Variants in CAPN3 observed in about 807,000 individuals in gnomAD.
The protein encoded by CAPN3 is calpain 3, also known as calpain-3.
A neutral mutation model predicts 114.0 loss-of-function variants in CAPN3; 88 were observed. The ratio of observed to expected loss-of-function variants is 0.77; its 90% confidence interval spans 0.65 to 0.92. The LOEUF (loss-of-function observed/expected upper bound fraction) is 0.92, where lower values mean the gene tolerates loss of function less well. Ranked by LOEUF, CAPN3 falls within the 40% of genes least tolerant of loss-of-function variation. CAPN3 has a pLI of 0.00. For synonymous variants in CAPN3, 386 were observed against 382.9 expected (o/e 1.01, Z -0.09); for missense variants, 1,028 against 1,069.0 (o/e 0.96, Z 0.53).
intron 1 of CAPN3, among the ~76,000 whole-genome samples, chr15:42,378,388 A>T (rs1194899267): frequency 6.6e-6 from 1 of 152,212 alleles, no homozygotes; most frequent in African/African-American, 2.4e-5. Flanking sequence ...GCCTTCAGCC[A>T]AACACTTTAT....
In CAPN3 at chr15:42,402,801, G is replaced by A. The variant is rs760382616; in HGVS notation, c.1544G>A (p.Gly515Glu). The part of the protein sequence containing the change: ...AIYEVPKEMH[G>E]NKQHLQKDFF... ...GCTCTCCCCATCTCTCAGATGCACG[G>A]GAACAAGCAGCACCTGCAGAAGGAC... is the stretch of plus-strand genomic sequence containing the variant. Residue 515 changes from glycine (G) to glutamate (E), a missense_variant, in exon 13 of 24, where the codon GGG becomes GAG. Physicochemically the swap from Gly to Glu is moderately conservative, Grantham distance 98. Transcript: ENST00000397163. 2 of 1,614,158 alleles carry A rather than the reference G, an allele frequency of 1.2e-6. No individual in the cohort carries two copies. The highest frequency in any genetic ancestry group is 1.7e-5 in the Admixed American group (1 of 60,022).
intron 23 of CAPN3, 49 bp from the exon 24 acceptor site, chr15:42,411,698 G>A (rs527438869): frequency 4.9e-6 from 4 of 820,824 alleles, no homozygotes; most frequent in South Asian, 2.7e-5. Context: ...CGGGGGGGGG[G>A]GGGGTCACTC....
At chr15:42,402,452 G>T in intron 12 of CAPN3, 6 of 1,427,220 alleles carry the variant, frequency 4.2e-6, no homozygotes, top group Non-Finnish European at 5.5e-6. Context: ...GTGGCTGCCC[G>T]CTTGGGATGG....
chr15:42,388,368 A>G (rs975329219), intron 4 of CAPN3, among the ~76,000 whole-genome samples: 1 of 152,176 alleles, frequency 6.6e-6, no homozygotes, highest in African/African-American at 2.4e-5. Context: ...GCAGTGGTGC[A>G]GTCACGGCTC....
At chr15:42,404,590 A>G (rs970904279) in intron 14 of CAPN3, among the ~76,000 whole-genome samples, 1 of 152,248 alleles carries the variant, frequency 6.6e-6, no homozygotes, top group African/African-American at 2.4e-5. Flanking sequence ...AGCCCCAGGC[A>G]GTGAGAAGCC....
rs1245898408 is a variant in CAPN3 at position 42,401,688 on chromosome 15, G to A, written c.1402G>A (p.Asp468Asn). The part of the protein sequence containing the change: ...PQYRLKLLEE[D>N]DDPDDSEVIC... ...GTACCGTCTGAAGCTCCTGGAGGAG[G>A]ACGATGACCCTGATGACTCGGAGGT... The change falls in exon 11 of 24, where the codon GAC becomes AAC. Residue 468 changes from aspartate to asparagine, a missense_variant. Transcript: ENST00000397163. The A allele has an allele frequency of 1.9e-6, 3 of 1,614,192 alleles. No individual in the cohort carries two copies. Among genetic ancestry groups the A allele is most frequent in the Non-Finnish European group, 2.5e-6 (3 of 1,180,026 alleles).
At chr15:42,361,121 GA>G (rs2052631721) in intron 1 of CAPN3, among the ~76,000 whole-genome samples, 1 of 152,172 alleles carries the variant, frequency 6.6e-6, no homozygotes, top group Admixed American at 6.5e-5. Context: ...CCTCTCTGAG[GA>G]AATGATGACA....
intron 8 of CAPN3, among the ~76,000 whole-genome samples, chr15:42,394,812 G>A (rs1482956587): frequency 1.3e-5 from 2 of 152,158 alleles, no homozygotes; most frequent in African/African-American, 4.8e-5. Flanking sequence ...AGGCACAAGG[G>A]CCCTTTGAAA....
At chr15:42,367,660 C>T (rs2052823625) in intron 1 of CAPN3, among the ~76,000 whole-genome samples, 1 of 152,192 alleles carries the variant, frequency 6.6e-6, no homozygotes, top group Non-Finnish European at 1.5e-5. Context: ...GCTCCATCTC[C>T]TTGAGTAACC....
rs2054158442 is a variant in CAPN3 at position 42,409,991 on chromosome 15, T to C, written c.2111T>C (p.Met704Thr). 1 of 1,611,856 alleles carries C rather than the reference T, an allele frequency of 6.2e-7. No homozygotes were observed. Residue 704 changes from methionine to threonine, a missense_variant, in exon 19 of 24, where the codon ATG (methionine) becomes ACG (threonine). Physicochemically the swap from Met to Thr is moderately conservative, Grantham distance 81 (BLOSUM62 -1). Transcript: ENST00000397163. ...LESCRSMIAL[M>T]DTDGSGKLNL... ...TCCTGCCGTAGCATGATTGCGCTCA[T>C]GGATGTATCCTTCCTGCCGCCCCTT...
chr15:42,410,313 G>A (rs1204745619), intron 19 of CAPN3, 115 bp from the exon 20 acceptor site: 2 of 947,212 alleles, frequency 2.1e-6, no homozygotes. Context: ...GTGGAGGGGA[G>A]GGTTAAATAG....
chr15:42,374,275 A>G (rs1459392346), intron 1 of CAPN3: 1 of 152,648 alleles, frequency 6.6e-6, no homozygotes, highest in Non-Finnish European at 1.5e-5. Flanking sequence ...CTCTACTCCC[A>G]GAGCATTCGC....
Position 42,360,097 on chromosome 15 carries a change from G to C in CAPN3, c.292G>C (p.Val98Leu). 6.2e-7 allele frequency: 1 copy of C among 1,614,188 alleles called. No homozygotes were observed. The highest frequency in any genetic ancestry group is 8.5e-7 in the Non-Finnish European group (1 of 1,180,022). The change falls in exon 1 of 24, where the codon GTC (valine) becomes CTC (leucine). Residue 98 changes from valine (V) to leucine (L), a missense_variant. Coordinates refer to ENST00000397163, the MANE Select transcript of CAPN3 (RefSeq NM_000070.3). ...FYSQKFPIQF[V>L]WKRPPEICEN... The stretch of plus-strand genomic sequence containing the variant: ...TAGCCAGAAGTTCCCCATCCAGTTC[G>C]TCTGGAAGAGACCTCCGGTGAGTAG...
Position 42,409,737 on chromosome 15 carries a change from A to AG in CAPN3, c.1993-48dup, listed in dbSNP as rs759319927. 5 of 1,527,392 alleles carry AG rather than the reference A, an allele frequency of 3.3e-6. No homozygotes were observed. In the East Asian group the frequency reaches 9.0e-5, roughly 27 times the overall value. 94.6% of individuals were successfully genotyped at this position (1,527,392 alleles called of 1,614,324 possible). A position where few individuals can be genotyped will look rare whatever the true frequency, so the allele number is the denominator to read the frequency against. On this transcript the variant is annotated intron_variant, in intron 17 of 23. Coordinates refer to ENST00000397163, the MANE Select transcript of CAPN3 (RefSeq NM_000070.3). Reference sequence around the variant, plus strand: ...ATTTGTTTTGCAAAGTGTCCGCGCCAGGAGCTGCTGTACTCCTGAACCATG... The same window carrying AG: ...ATTTGTTTTGCAAAGTGTCCGCGCCAGGGAGCTGCTGTACTCCTGAACCATG...
rs28364536 is a variant in CAPN3, at chr15:42,410,323, G to C, written c.2116-105G>C. On this transcript the variant is annotated intron_variant, in intron 19 of 23. Coordinates refer to ENST00000397163, the MANE Select transcript of CAPN3 (RefSeq NM_000070.3). ...GTGGAGTGGAGGGGAGGGTTAAATA[G>C]TACAACAGGGCAGTGGGTAGGACAG... 0.019 allele frequency: 19,708 copies of C among 1,019,586 alleles called. 1,334 individuals are homozygous for C. The highest frequency in any genetic ancestry group is 0.19 in the African/African-American group (12,066 of 63,424). 63.2% of individuals were successfully genotyped at this position (1,019,586 alleles called of 1,614,324 possible).
intron 1 of CAPN3, among the ~76,000 whole-genome samples, chr15:42,363,977 G>A (rs1355101018): frequency 6.6e-6 from 1 of 152,114 alleles, no homozygotes; most frequent in African/African-American, 2.4e-5. Context: ...CAATAAATGT[G>A]GGATTTTGGA....
chr15:42,411,947 A>T lies in CAPN3; in HGVS notation c.*174A>T. ...ACCCCCTACCCATCCTTGATCGGTC[A>T]TGCCTAGCCTGACCCTTTAGTAAAG... On this transcript the variant is annotated 3_prime_UTR_variant, in exon 24 of 24. Transcript: ENST00000397163. The T allele has an allele frequency of 3.3e-6, 5 of 1,529,424 alleles. No individual in the cohort carries two copies. Among genetic ancestry groups the T allele is most frequent in the Non-Finnish European group, 4.4e-6 (5 of 1,135,624 alleles). 94.7% of individuals were successfully genotyped at this position (1,529,424 alleles called of 1,614,324 possible). A position where few individuals can be genotyped will look rare whatever the true frequency, so the allele number is the denominator to read the frequency against.
Position 42,411,328 on chromosome 15 carries a change from A to G in CAPN3, c.2422A>G (p.Lys808Glu), listed in dbSNP as rs1248812087. The G allele has an allele frequency of 6.2e-7, 1 of 1,613,950 alleles. No individual in the cohort carries two copies. The highest frequency in any genetic ancestry group is 8.5e-7 in the Non-Finnish European group (1 of 1,179,962). Reference protein sequence around the residue: ...AFDKDGDGIIKLNVLEWLQLT... With the variant: ...AFDKDGDGIIELNVLEWLQLT... Reference sequence around the variant, plus strand: ...TGACAAGGATGGAGATGGTATCATCAAGCTCAACGTTCTGGAGGTAAAGCA... The same window carrying G: ...TGACAAGGATGGAGATGGTATCATCGAGCTCAACGTTCTGGAGGTAAAGCA... Residue 808 changes from lysine (K) to glutamate (E), a missense_variant, in exon 23 of 24, where the codon AAG becomes GAG. Coordinates refer to ENST00000397163, the MANE Select transcript of CAPN3 (RefSeq NM_000070.3).
Position 42,409,980 on chromosome 15 carries a change from G to T in CAPN3, c.2100G>T (p.Met700Ile). 1 of 1,612,088 alleles carries T rather than the reference G, an allele frequency of 6.2e-7. No individual in the cohort carries two copies. The highest frequency in any genetic ancestry group is 8.5e-7 in the Non-Finnish European group (1 of 1,179,850). The change falls in exon 19 of 24, where the codon ATG becomes ATT. Residue 700 changes from methionine (M) to isoleucine (I), a missense_variant. Coordinates refer to ENST00000397163, the MANE Select transcript of CAPN3 (RefSeq NM_000070.3). ...TCACACTGGAGTCCTGCCGTAGCAT[G>T]ATTGCGCTCATGGATGTATCCTTCC... ...HGFTLESCRS[M>I]IALMDTDGSG...
Sources: gnomAD v4.1 joint callset for allele counts (sites outside exome capture counted in the v4.1 genomes callset) on GRCh38, gnomAD v4.1.1 for gene constraint, MANE v1.5 for transcripts, NCBI Gene and HGNC (gene_info 2026-07-23, HGNC 2026-07-21) for gene names.